Variants in MAP2 observed in about 807,000 individuals in gnomAD.
MAP2 encodes the protein microtubule associated protein 2, also known as microtubule-associated protein 2.
Under a neutral mutation model 137.6 loss-of-function variants are expected in MAP2, and 14 were observed. The observed-to-expected ratio is 0.10, with a 90% CI of 0.07 to 0.16. The LOEUF is 0.16. Ranked by LOEUF, MAP2 falls within the 10% of genes least tolerant of loss-of-function variation. The pLI, the probability that MAP2 is intolerant of heterozygous loss-of-function variation, is 1.00. For missense variants in MAP2, 2,088 were observed against 2,191.5 expected, an observed-to-expected ratio of 0.95 and a Z score of 0.94; for synonymous variants, 786 against 782.3, an observed-to-expected ratio of 1.00 and a Z score of -0.08.
chr2:209,561,247 A>C (rs2071996006), intron 2 of MAP2, among the ~76,000 whole-genome samples: 1 of 152,228 alleles, frequency 6.6e-6, no homozygotes, highest in African/African-American at 2.4e-5. Context: ...TTCAGGTGAA[A>C]GAATGTCAAA....
At chr2:209,515,900 G>A (rs1170633696) in intron 2 of MAP2, among the ~76,000 whole-genome samples, 1 of 151,990 alleles carries the variant, frequency 6.6e-6, no homozygotes, top group African/African-American at 2.4e-5. Context: ...GATCCTTCTT[G>A]CCTTAGACTC....
chr2:209,673,933 C>CTAAA (rs2050060029), intron 5 of MAP2, among the ~76,000 whole-genome samples: 1 of 151,844 alleles, frequency 6.6e-6, no homozygotes, highest in Admixed American at 6.6e-5. Context: ...CAGAATTAGA[C>CTAAA]AGGATTATCA....
At chr2:209,601,237 CATT>C (rs1414707197) in intron 3 of MAP2, among the ~76,000 whole-genome samples, 8 of 151,922 alleles carry the variant, frequency 5.3e-5, no homozygotes, top group Admixed American at 2.0e-4. Context: ...GTAACTTAAA[CATT>C]ATGGTTATGC....
At chr2:209,582,349 C>T (rs1001443344) in intron 3 of MAP2, among the ~76,000 whole-genome samples, 4 of 151,804 alleles carry the variant, frequency 2.6e-5, no homozygotes, top group Admixed American at 6.6e-5. Flanking sequence ...TTAGGCTGTA[C>T]GGAATAGGAT....
intron 1 of MAP2, among the ~76,000 whole-genome samples, chr2:209,495,229 C>G (rs1321286652): frequency 2.0e-5 from 3 of 152,198 alleles, no homozygotes; most frequent in African/African-American, 7.2e-5. Context: ...CGACAGAGCA[C>G]CTGGGGGAAG....
chr2:209,491,388 T>A (rs1236406856), intron 1 of MAP2, among the ~76,000 whole-genome samples: 2 of 151,854 alleles, frequency 1.3e-5, no homozygotes, highest in Non-Finnish European at 2.9e-5. Context: ...TTAAAAGAAC[T>A]AGAGAAGCAA....
chr2:209,699,733 T>C (rs1205774826), intron 10 of MAP2, among the ~76,000 whole-genome samples: 1 of 152,160 alleles, frequency 6.6e-6, no homozygotes, highest in Non-Finnish European at 1.5e-5. Context: ...CAAACAAGTA[T>C]GTCATTCATA....
At chr2:209,518,423 G>C (rs2062822067) in intron 2 of MAP2, among the ~76,000 whole-genome samples, 1 of 151,940 alleles carries the variant, frequency 6.6e-6, no homozygotes, top group African/African-American at 2.4e-5. Context: ...CCACAATAGA[G>C]AGTTAGAGGT....
At chr2:209,480,578 A>G (rs1373985335) in intron 1 of MAP2, among the ~76,000 whole-genome samples, 3 of 141,850 alleles carry the variant, frequency 2.1e-5, no homozygotes, top group African/African-American at 7.5e-5. Context: ...TTTACTACAT[A>G]CTGTATGTTC....
rs1184502247 is a variant in MAP2 at position 209,424,107 on chromosome 2, T to G, written c.-391T>G. ...GGCAGCAGCAGCAGCAGCAGCAGCATCCTCTCTTCCTTTACTTCCCTTCCG... is the reference window on the plus strand; with the variant it reads ...GGCAGCAGCAGCAGCAGCAGCAGCAGCCTCTCTTCCTTTACTTCCCTTCCG... On this transcript the variant is annotated 5_prime_UTR_variant, in exon 1 of 16. Transcript: ENST00000682079. 2 of 162,130 alleles carry G rather than the reference T, an allele frequency of 1.2e-5. No individual in the cohort carries two copies. Among genetic ancestry groups the G allele is most frequent in the Admixed American group, 6.5e-5 (1 of 15,480 alleles). 10.0% of individuals were successfully genotyped at this position (162,130 alleles called of 1,614,324 possible).
chr2:209,531,702 T>C (rs998819455), intron 2 of MAP2, among the ~76,000 whole-genome samples: 1 of 152,186 alleles, frequency 6.6e-6, no homozygotes, highest in Admixed American at 6.5e-5. Context: ...TTGTAATATA[T>C]AGATTGCTGA....
In MAP2 at chr2:209,475,827, C is replaced by T. The variant is rs548563044; in HGVS notation, c.-221-31765C>T. ...TACTTAAGTACAAGAAATATGAACA[C>T]GGTGGATCACAGTTTAGCAGTATTC... On this transcript the variant is annotated intron_variant, in intron 1 of 15. Transcript: ENST00000682079. Among the ~76,000 whole-genome samples, 12 of 152,058 alleles carry T rather than the reference C, an allele frequency of 7.9e-5. No homozygotes were observed. In the East Asian group the frequency reaches 1.7e-3, roughly 22 times the overall value.
At chr2:209,668,135 A>G (rs1338222524) in intron 5 of MAP2, among the ~76,000 whole-genome samples, 2 of 152,080 alleles carry the variant, frequency 1.3e-5, no homozygotes, top group Non-Finnish European at 2.9e-5. Context: ...TTATGCTTCT[A>G]GATATCATTT....
At chr2:209,717,448 A>C (rs1459110542) in intron 13 of MAP2, among the ~76,000 whole-genome samples, 1 of 152,200 alleles carries the variant, frequency 6.6e-6, no homozygotes, top group Non-Finnish European at 1.5e-5. Flanking sequence ...GGGCAGGGAC[A>C]CAAATCCAAA....
chr2:209,559,329 A>G (rs1288725884), intron 2 of MAP2, among the ~76,000 whole-genome samples: 1 of 151,636 alleles, frequency 6.6e-6, no homozygotes, highest in East Asian at 1.9e-4. Flanking sequence ...TTGGTGCCCA[A>G]ATTATTTCAA....
intron 4 of MAP2, among the ~76,000 whole-genome samples, chr2:209,628,946 T>C (rs1192303055): frequency 6.6e-6 from 1 of 152,214 alleles, no homozygotes; most frequent in African/African-American, 2.4e-5. Context: ...TGATAGTCGT[T>C]GCCCTTTTAA....
At chr2:209,606,632 A>G (rs977020240) in intron 3 of MAP2, among the ~76,000 whole-genome samples, 14 of 152,192 alleles carry the variant, frequency 9.2e-5, no homozygotes, top group Non-Finnish European at 8.8e-5. Context: ...TAAATTGGAC[A>G]TATGAAAGAG....
chr2:209,546,871 A>C (rs182639663), intron 2 of MAP2, among the ~76,000 whole-genome samples: 16 of 152,352 alleles, frequency 1.1e-4, no homozygotes, highest in African/African-American at 3.8e-4. Flanking sequence ...TGAGTAAAAC[A>C]AGAAGATCAA....
At chr2:209,596,424 T>G (rs1233637890) in intron 3 of MAP2, among the ~76,000 whole-genome samples, 1 of 152,222 alleles carries the variant, frequency 6.6e-6, no homozygotes, top group African/African-American at 2.4e-5. Flanking sequence ...ATTTTCTGCA[T>G]GCAGTTATTA....
Sources: allele counts gnomAD v4.1 joint callset (sites outside exome capture counted in the v4.1 genomes callset), GRCh38; gene constraint gnomAD v4.1.1; transcripts MANE v1.5; gene names NCBI Gene and HGNC (gene_info 2026-07-23, HGNC 2026-07-21).